The following CABLES1 variants were observed in gnomAD, a reference collection of about 807,000 sequenced individuals.
CABLES1 encodes the protein Cdk5 and Abl enzyme substrate 1, also known as CDK5 and ABL1 enzyme substrate 1.
Under a neutral mutation model 57.8 loss-of-function variants are expected in CABLES1, and 36 were observed. The ratio of observed to expected loss-of-function variants is 0.62; its 90% confidence interval spans 0.48 to 0.82. The LOEUF is 0.82. Among genes scored for constraint, CABLES1 ranks in the 40% least tolerant of loss-of-function variants. The pLI is 0.00. For missense variants in CABLES1, 767 were observed against 836.6 expected (o/e 0.92, Z 1.03); for synonymous variants, 374 against 363.0 (o/e 1.03, Z -0.35).
chr18:23,229,231 G>T (rs1329051691), intron 4 of CABLES1, among the ~76,000 whole-genome samples: 1 of 152,148 alleles, frequency 6.6e-6, no homozygotes, highest in Non-Finnish European at 1.5e-5. Flanking sequence ...GGCCAACGTG[G>T]TGAAACCCCA....
At chr18:23,221,937 C>A (rs934077660) in intron 4 of CABLES1, among the ~76,000 whole-genome samples, 3 of 152,214 alleles carry the variant, frequency 2.0e-5, no homozygotes, top group African/African-American at 7.2e-5. Flanking sequence ...CCTCAGGGAA[C>A]CACGGGTCGC....
intron 1 of CABLES1, among the ~76,000 whole-genome samples, chr18:23,141,842 C>T (rs538602157): frequency 1.6e-4 from 24 of 152,222 alleles, no homozygotes; most frequent in Non-Finnish European, 2.8e-4. Context: ...TCCCAGGAAG[C>T]GCCGATGCCT....
At chr18:23,139,403 C>CAA (rs61297552) in intron 1 of CABLES1, among the ~76,000 whole-genome samples, 3,892 of 111,094 alleles carry the variant, frequency 0.035, 188 homozygotes, top group East Asian at 0.2. Flanking sequence ...AACTCCATCT[C>CAA]AAAAAAAAAA....
At chr18:23,209,533 C>A (rs886479570) in intron 3 of CABLES1, among the ~76,000 whole-genome samples, 3 of 152,136 alleles carry the variant, frequency 2.0e-5, no homozygotes, top group African/African-American at 7.2e-5. Flanking sequence ...CTAATACAGA[C>A]CCCTGGGCTG....
chr18:23,246,671 T>G (rs190446731), intron 7 of CABLES1, among the ~76,000 whole-genome samples: 5,708 of 151,688 alleles, frequency 0.038, 155 homozygotes, highest in African/African-American at 0.041. Flanking sequence ...GATTATATGC[T>G]TGAGCCACCG....
intron 3 of CABLES1, among the ~76,000 whole-genome samples, chr18:23,208,317 A>G (rs1319887989): frequency 6.6e-6 from 1 of 152,222 alleles, no homozygotes; most frequent in Non-Finnish European, 1.5e-5. Flanking sequence ...AAGGAGGAAA[A>G]GCGTCCCCCC....
intron 1 of CABLES1, among the ~76,000 whole-genome samples, chr18:23,166,120 C>T (rs893364563): frequency 2.6e-5 from 4 of 152,084 alleles, no homozygotes; most frequent in African/African-American, 9.7e-5. Context: ...ATGATGTTGT[C>T]AACTGTTTCT....
intron 7 of CABLES1, among the ~76,000 whole-genome samples, chr18:23,251,100 A>G (rs1409782781): frequency 1.3e-5 from 2 of 152,228 alleles, no homozygotes; most frequent in Admixed American, 1.3e-4. Flanking sequence ...TCATCCAGGG[A>G]ATCGACCTTC....
chr18:23,223,955 G>T (rs1568075087), intron 4 of CABLES1, among the ~76,000 whole-genome samples: 1 of 151,744 alleles, frequency 6.6e-6, no homozygotes, highest in African/African-American at 2.4e-5. Flanking sequence ...ACTTCTGCTT[G>T]GGGTGGCCCT....
At chr18:23,141,668 C>A (rs746695008) in intron 1 of CABLES1, among the ~76,000 whole-genome samples, 4 of 152,236 alleles carry the variant, frequency 2.6e-5, no homozygotes, top group Non-Finnish European at 5.9e-5. Context: ...GCCCTTGTTG[C>A]AGTCACAAAG....
chr18:23,228,747 A>T (rs1296493592), intron 4 of CABLES1, among the ~76,000 whole-genome samples: 9 of 99,764 alleles, frequency 9.0e-5, no homozygotes, highest in African/African-American at 1.5e-4. Context: ...GCCTTTGTTT[A>T]AAAAAAAAAA....
At chr18:23,190,441 C>T (rs1244981161) in intron 2 of CABLES1, 2 of 152,358 alleles carry the variant, frequency 1.3e-5, no homozygotes, top group Non-Finnish European at 2.9e-5. Context: ...GGGCTCTCCC[C>T]TCTTCAGGAA....
intron 1 of CABLES1, among the ~76,000 whole-genome samples, chr18:23,178,428 C>T (rs1296986365): frequency 1.3e-5 from 2 of 150,380 alleles, no homozygotes; most frequent in East Asian, 1.9e-4. Flanking sequence ...CTGGGCTGGC[C>T]GCCTGATGTC....
At chr18:23,248,969 G>A (rs1220331211) in intron 7 of CABLES1, among the ~76,000 whole-genome samples, 1 of 152,250 alleles carries the variant, frequency 6.6e-6, no homozygotes, top group East Asian at 1.9e-4. Context: ...GGCTGCAGCT[G>A]CCTGGGACCA....
At chr18:23,159,043 G>T (rs1413687091) in intron 1 of CABLES1, among the ~76,000 whole-genome samples, 2 of 152,192 alleles carry the variant, frequency 1.3e-5, no homozygotes, top group African/African-American at 4.8e-5. Context: ...TCGGCTCACT[G>T]TAACCGCCAC....
At position 23,153,543 on chromosome 18, in the gene CABLES1, G is replaced by C. The variant is rs369847248; in HGVS notation, c.845+16936G>C. 2.0e-4 allele frequency among the ~76,000 whole-genome samples: 30 copies of C among 152,236 alleles called. No individual in the cohort carries two copies. The East Asian group carries it at 4.7e-3, about 24-fold the overall frequency. ...GAGGTCAGAAGTGCTAGACCAGGCT[G>C]ACCAACATGGTGAAACCCTGTCTCT... On this transcript the variant is annotated intron_variant, in intron 1 of 9. Coordinates refer to ENST00000256925, the MANE Select transcript of CABLES1 (RefSeq NM_001100619.3).
intron 4 of CABLES1, among the ~76,000 whole-genome samples, chr18:23,220,110 TGC>T (rs2047475496): frequency 2.6e-5 from 4 of 152,200 alleles, no homozygotes; most frequent in Non-Finnish European, 5.9e-5. Context: ...CTAGAGCTGC[TGC>T]TTGAAGCAGA....
intron 7 of CABLES1, among the ~76,000 whole-genome samples, chr18:23,242,525 C>T (rs1053359765): frequency 6.6e-6 from 1 of 152,060 alleles, no homozygotes; most frequent in Non-Finnish European, 1.5e-5. Flanking sequence ...CAGCCCAGGT[C>T]GGTAGTGGGT....
intron 1 of CABLES1, among the ~76,000 whole-genome samples, chr18:23,141,100 G>A (rs923811932): frequency 6.6e-6 from 1 of 152,210 alleles, no homozygotes; most frequent in Admixed American, 6.5e-5. Flanking sequence ...GGAATGCAGA[G>A]TGGCCACCCT....
Sources: gnomAD v4.1 joint callset for allele counts (sites outside exome capture counted in the v4.1 genomes callset) on GRCh38, gnomAD v4.1.1 for gene constraint, MANE v1.5 for transcripts, NCBI Gene and HGNC (gene_info 2026-07-23, HGNC 2026-07-21) for gene names.